The following PRKG1 variants were observed in gnomAD, a reference collection of about 807,000 sequenced individuals.
PRKG1 encodes the protein protein kinase cGMP-dependent 1, also known as cGMP-dependent protein kinase 1.
Under a neutral mutation model 88.1 loss-of-function variants are expected in PRKG1, and 35 were observed. The ratio of observed to expected loss-of-function variants is 0.40; its 90% CI spans 0.30 to 0.53. The LOEUF (loss-of-function observed/expected upper bound fraction) is 0.53. PRKG1 is among the 20% of genes least tolerant of loss of function. The pLI is 0.59. For missense variants in PRKG1, 540 were observed against 839.8 expected (o/e 0.64, Z 4.41); for synonymous variants, 303 against 292.5 (o/e 1.04, Z -0.37).
intron 3 of PRKG1, among the ~76,000 whole-genome samples, chr10:51,732,427 A>C (rs1420706647): frequency 6.6e-6 from 1 of 152,178 alleles, no homozygotes; most frequent in Non-Finnish European, 1.5e-5. Context: ...TAAGCATTGA[A>C]TCCTTAGAAG....
intron 10 of PRKG1, among the ~76,000 whole-genome samples, chr10:52,270,281 A>G (rs1310665677): frequency 1.3e-5 from 2 of 152,126 alleles, no homozygotes; most frequent in East Asian, 3.9e-4. Flanking sequence ...GGGACTGTAA[A>G]CTAGTTCAAC....
At chr10:51,000,650 A>C (rs1223100040) in intron 1 of PRKG1, among the ~76,000 whole-genome samples, 1 of 152,238 alleles carries the variant, frequency 6.6e-6, no homozygotes, top group Non-Finnish European at 1.5e-5. Context: ...AGATATTTTA[A>C]TAAGTGTTGG....
intron 3 of PRKG1, among the ~76,000 whole-genome samples, chr10:51,683,287 T>C (rs1037119734): frequency 1.3e-5 from 2 of 151,950 alleles, no homozygotes; most frequent in Non-Finnish European, 2.9e-5. Context: ...GTGCCACTAC[T>C]CCAGCCTCTG....
chr10:52,234,509 G>A (rs1263919548), intron 9 of PRKG1, among the ~76,000 whole-genome samples: 12 of 151,048 alleles, frequency 7.9e-5, no homozygotes, highest in Admixed American at 4.6e-4. Flanking sequence ...CGAGAACTAC[G>A]TGAAGAATGC....
intron 7 of PRKG1, among the ~76,000 whole-genome samples, chr10:52,091,459 G>A (rs1225999617): frequency 6.6e-6 from 1 of 152,152 alleles, no homozygotes; most frequent in Non-Finnish European, 1.5e-5. Flanking sequence ...GGAGAATCCA[G>A]GGAAATATAT....
chr10:52,203,952 G>A (rs571104004), intron 9 of PRKG1, among the ~76,000 whole-genome samples: 10 of 152,144 alleles, frequency 6.6e-5, no homozygotes, highest in South Asian at 2.1e-4. Context: ...GCATACAGTT[G>A]GGTCTTGCTT....
chr10:51,096,697 A>C (rs1844538880), intron 1 of PRKG1, among the ~76,000 whole-genome samples: 1 of 152,150 alleles, frequency 6.6e-6, no homozygotes, highest in Non-Finnish European at 1.5e-5. Context: ...CAGAGATAAT[A>C]ATAGTGTCCC....
intron 2 of PRKG1, among the ~76,000 whole-genome samples, chr10:51,184,973 C>G (rs923417236): frequency 6.6e-6 from 1 of 152,080 alleles, no homozygotes; most frequent in African/African-American, 2.4e-5. Context: ...ACCACCAGTC[C>G]CTTTATTTAA....
At chr10:51,283,168 G>A (rs1840344812) in intron 2 of PRKG1, among the ~76,000 whole-genome samples, 1 of 151,738 alleles carries the variant, frequency 6.6e-6, no homozygotes, top group African/African-American at 2.4e-5. Flanking sequence ...GCCACTTTAG[G>A]AGATGTTATT....
In PRKG1 at chr10:52,295,026, G is replaced by A. The variant is rs1258350102; in HGVS notation, c.*1126G>A. 1 of 152,434 alleles carries A rather than the reference G, an allele frequency of 6.6e-6. No homozygotes were observed. Among genetic ancestry groups the A allele is most frequent in the Non-Finnish European group, 1.5e-5 (1 of 67,978 alleles). The allele number at this position is 152,434 out of a possible 1,614,324, so 9.4% of individuals were successfully genotyped here. On this transcript the variant is annotated 3_prime_UTR_variant, in exon 18 of 18. Transcript: ENST00000373980. ...TACAACATAGTCAGTCTAGAGTTGA[G>A]AGACAAAGGTAATTATAAACCTATT...
At chr10:52,133,574 A>G (rs933364742) in intron 7 of PRKG1, among the ~76,000 whole-genome samples, 2 of 152,122 alleles carry the variant, frequency 1.3e-5, no homozygotes, top group African/African-American at 2.4e-5. Flanking sequence ...AAAGGGAATG[A>G]TATCAAATTT....
intron 2 of PRKG1, among the ~76,000 whole-genome samples, chr10:51,244,376 C>A (rs1839234191): frequency 6.7e-6 from 1 of 149,284 alleles, no homozygotes; most frequent in South Asian, 2.1e-4. Context: ...TTGCAGGTAG[C>A]CTGAAATCTC....
intron 3 of PRKG1, among the ~76,000 whole-genome samples, chr10:51,625,883 G>A (rs1448044077): frequency 2.0e-5 from 3 of 152,120 alleles, no homozygotes; most frequent in African/African-American, 4.8e-5. Flanking sequence ...ACCAACAATA[G>A]TTTAAGTTAC....
intron 2 of PRKG1, among the ~76,000 whole-genome samples, chr10:51,415,329 C>T (rs111745376): frequency 0.015 from 2,282 of 152,272 alleles, 14 homozygotes; most frequent in Non-Finnish European, 0.018. Flanking sequence ...TAAAAGGAGG[C>T]TTATAGAAAT....
chr10:51,198,444 G>C (rs1163273106), intron 2 of PRKG1, among the ~76,000 whole-genome samples: 3 of 152,120 alleles, frequency 2.0e-5, no homozygotes, highest in African/African-American at 7.2e-5. Context: ...TTCACAGTCG[G>C]ATGTAAAAAC....
At chr10:51,633,032 A>G (rs1046250136) in intron 3 of PRKG1, among the ~76,000 whole-genome samples, 3 of 152,086 alleles carry the variant, frequency 2.0e-5, no homozygotes, top group African/African-American at 4.8e-5. Context: ...TTAGTTTTTT[A>G]TCAATAGATT....
intron 1 of PRKG1, among the ~76,000 whole-genome samples, chr10:51,020,856 T>TCC (rs1448818438): frequency 6.6e-6 from 1 of 152,178 alleles, no homozygotes; most frequent in Non-Finnish European, 1.5e-5. Context: ...AATTGATTTA[T>TCC]CCATTGAATT....
intron 3 of PRKG1, among the ~76,000 whole-genome samples, chr10:51,670,930 A>T (rs1840558299): frequency 1.3e-5 from 2 of 151,124 alleles, no homozygotes. Context: ...ATTTTGCTCT[A>T]TTTTTTTTAC....
chr10:52,018,885 T>G (rs1845111172), intron 5 of PRKG1, among the ~76,000 whole-genome samples: 1 of 152,180 alleles, frequency 6.6e-6, no homozygotes, highest in Non-Finnish European at 1.5e-5. Context: ...CAACTGTGTT[T>G]GCTAATTGGT....
Sources: gnomAD v4.1 joint callset for allele counts (sites outside exome capture counted in the v4.1 genomes callset) on GRCh38, gnomAD v4.1.1 for gene constraint, MANE v1.5 for transcripts, NCBI Gene and HGNC (gene_info 2026-07-23, HGNC 2026-07-21) for gene names.